The following PHKB variants were observed in gnomAD, a reference collection of about 807,000 sequenced individuals.
PHKB encodes phosphorylase b kinase regulatory subunit beta.
PHKB carries 122 observed loss-of-function variants against 152.1 expected under a neutral mutation model. That is an observed-to-expected ratio of 0.80 (90% CI 0.69 to 0.93). The LOEUF (loss-of-function observed/expected upper bound fraction) is 0.93. PHKB is among the 40% of genes least tolerant of loss of function. The pLI, the probability that PHKB is intolerant of heterozygous loss-of-function variation, is 0.00. For missense variants in PHKB, 1,304 were observed against 1,328.4 expected, an observed-to-expected ratio of 0.98 and a Z score of 0.29; for synonymous variants, 436 against 464.9, an observed-to-expected ratio of 0.94 and a Z score of 0.80.
At chr16:47,698,627 A>C in intron 30 of PHKB, 39 bp downstream of exon 30, 2 of 1,202,862 alleles carry the variant, frequency 1.7e-6, no homozygotes, top group Non-Finnish European at 2.3e-6. Flanking sequence ...TTTTTTGAGA[A>C]TTTTTTCATT....
chr16:47,577,127 T>C (rs1036314974), intron 7 of PHKB, among the ~76,000 whole-genome samples: 2 of 152,118 alleles, frequency 1.3e-5, no homozygotes, highest in Admixed American at 6.5e-5. Flanking sequence ...CTGTGGGTAC[T>C]TAAAGATTTT....
chr16:47,627,031 T>C (rs1049555222), intron 14 of PHKB, among the ~76,000 whole-genome samples: 2 of 152,208 alleles, frequency 1.3e-5, no homozygotes, highest in African/African-American at 2.4e-5. Context: ...TGGTTTCTTA[T>C]GGTTTACCAC....
In PHKB at chr16:47,660,739, C is replaced by G. The variant is rs1240745537; in HGVS notation, c.2116C>G (p.Pro706Ala). The G allele has an allele frequency of 1.2e-6, 2 of 1,613,816 alleles. No individual in the cohort carries two copies. The highest frequency in any genetic ancestry group is 1.7e-6 in the Non-Finnish European group (2 of 1,179,744). ...VKRQSSTPSA[P>A]ELGQQPDVNI... Reference sequence around the variant, plus strand: ...ACGGCAAAGCAGCACCCCTAGTGCTCCTGAACTGGGACAGCAGCCGGATGT... The same window carrying G: ...ACGGCAAAGCAGCACCCCTAGTGCTGCTGAACTGGGACAGCAGCCGGATGT... Residue 706 changes from proline (P) to alanine (A), a missense_variant, in exon 22 of 31, where the codon CCT (proline) becomes GCT (alanine). Coordinates refer to ENST00000323584, the MANE Select transcript of PHKB (RefSeq NM_000293.3).
intron 20 of PHKB, among the ~76,000 whole-genome samples, chr16:47,654,741 G>A (rs964788921): frequency 1.4e-5 from 2 of 146,460 alleles, no homozygotes; most frequent in Admixed American, 6.9e-5. Flanking sequence ...TCATAGGTGC[G>A]AATTGAACAA....
At chr16:47,672,724 C>T (rs1013754662) in intron 26 of PHKB, among the ~76,000 whole-genome samples, 1 of 152,082 alleles carries the variant, frequency 6.6e-6, no homozygotes, top group African/African-American at 2.4e-5. Flanking sequence ...ATGTAATTCC[C>T]TTTCTTGAAT....
intron 7 of PHKB, among the ~76,000 whole-genome samples, chr16:47,577,352 T>G (rs1371764687): frequency 6.6e-6 from 1 of 152,174 alleles, no homozygotes; most frequent in East Asian, 1.9e-4. Context: ...TTTAGAATCA[T>G]ATCAGACAGT....
chr16:47,481,287 T>A (rs1209483523), intron 1 of PHKB, among the ~76,000 whole-genome samples: 1 of 152,246 alleles, frequency 6.6e-6, no homozygotes, highest in East Asian at 1.9e-4. Flanking sequence ...CACTCCTGTG[T>A]AGCACAGGGT....
At chr16:47,665,051 T>C (rs1973514392) in intron 25 of PHKB, 76 bp downstream of exon 25, 1 of 908,566 alleles carries the variant, frequency 1.1e-6, no homozygotes, top group African/African-American at 1.6e-5. Flanking sequence ...GTTAAATATG[T>C]CTTTTGGTCT....
chr16:47,479,817 A>C (rs1393567983), intron 1 of PHKB, among the ~76,000 whole-genome samples: 1 of 152,178 alleles, frequency 6.6e-6, no homozygotes, highest in Non-Finnish European at 1.5e-5. Context: ...ATAACCCCAC[A>C]GTTCCTGGGT....
At chr16:47,658,573 T>C (rs1206065460) in intron 20 of PHKB, among the ~76,000 whole-genome samples, 2 of 152,218 alleles carry the variant, frequency 1.3e-5, no homozygotes, top group African/African-American at 4.8e-5. Context: ...TAATACTGTA[T>C]TTTTACTGTA....
intron 6 of PHKB, among the ~76,000 whole-genome samples, chr16:47,534,397 A>G (rs1970916850): frequency 6.6e-6 from 1 of 152,210 alleles, no homozygotes; most frequent in African/African-American, 2.4e-5. Flanking sequence ...ATATTTCTAT[A>G]TGTACCATGA....
chr16:47,466,224 G>T (rs1380668877), intron 1 of PHKB, among the ~76,000 whole-genome samples: 1 of 152,096 alleles, frequency 6.6e-6, no homozygotes, highest in Non-Finnish European at 1.5e-5. Context: ...TAGATATTCA[G>T]GTTTTTCTTT....
At chr16:47,666,337 G>A (rs926662136) in intron 25 of PHKB, among the ~76,000 whole-genome samples, 1 of 152,140 alleles carries the variant, frequency 6.6e-6, no homozygotes, top group East Asian at 1.9e-4. Context: ...GACAGGTTTC[G>A]GATAGGCAGA....
chr16:47,491,030 T>A (rs1248664714), intron 1 of PHKB, among the ~76,000 whole-genome samples: 1 of 152,234 alleles, frequency 6.6e-6, no homozygotes, highest in Non-Finnish European at 1.5e-5. Flanking sequence ...CACATTTTAC[T>A]GTTCTTATAC....
At chr16:47,536,328 G>C (rs1970951729) in intron 6 of PHKB, among the ~76,000 whole-genome samples, 1 of 152,302 alleles carries the variant, frequency 6.6e-6, no homozygotes, top group Non-Finnish European at 1.5e-5. Context: ...TGGGATTACA[G>C]GCGTGAGCCA....
At chr16:47,680,199 A>G (rs552432155) in intron 26 of PHKB, among the ~76,000 whole-genome samples, 5 of 152,294 alleles carry the variant, frequency 3.3e-5, no homozygotes, top group Admixed American at 6.5e-5. Context: ...TTGTGCATCA[A>G]TGTTCATCAA....
intron 16 of PHKB, among the ~76,000 whole-genome samples, chr16:47,647,589 C>G (rs1973155489): frequency 1.3e-5 from 2 of 151,962 alleles, no homozygotes; most frequent in African/African-American, 4.8e-5. Flanking sequence ...GTTCTGCCTC[C>G]TGGGTTCATG....
chr16:47,580,449 C>A, intron 8 of PHKB, 91 bp downstream of exon 8: 2 of 913,424 alleles, frequency 2.2e-6, no homozygotes, highest in Admixed American at 1.8e-5. Flanking sequence ...TCCTTATAAT[C>A]AGAGAATGTC....
intron 6 of PHKB, among the ~76,000 whole-genome samples, chr16:47,546,013 A>G (rs1971157339): frequency 6.6e-6 from 1 of 152,200 alleles, no homozygotes; most frequent in Non-Finnish European, 1.5e-5. Flanking sequence ...CAAAGTTTTT[A>G]GCTTCCTTGC....
Sources: allele counts gnomAD v4.1 joint callset (sites outside exome capture counted in the v4.1 genomes callset), GRCh38; gene constraint gnomAD v4.1.1; transcripts MANE v1.5; gene names NCBI Gene and HGNC (gene_info 2026-07-23, HGNC 2026-07-21).